SLCO4C1: variants seen among roughly 807,000 people sequenced by gnomAD.
The protein encoded by SLCO4C1 is solute carrier organic anion transporter family member 4C1.
Under a neutral mutation model 72.1 loss-of-function variants are expected in SLCO4C1, and 58 were observed. That is an observed-to-expected ratio of 0.80 (90% CI 0.65 to 1.00). The LOEUF is 1.00. Ranked by LOEUF, SLCO4C1 falls within the 50% of genes least tolerant of loss-of-function variation. The pLI is 0.00. For missense variants in SLCO4C1, 898 were observed against 857.9 expected, an observed-to-expected ratio of 1.05 and a Z score of -0.58; for synonymous variants, 297 against 312.5, an observed-to-expected ratio of 0.95 and a Z score of 0.52.
At chr5:102,278,037 A>G (rs1325722456) in intron 2 of SLCO4C1, among the ~76,000 whole-genome samples, 2 of 152,128 alleles carry the variant, frequency 1.3e-5, no homozygotes, top group Non-Finnish European at 2.9e-5. Context: ...TTACATGTAA[A>G]TGGTCTGAAT....
intron 1 of SLCO4C1, among the ~76,000 whole-genome samples, chr5:102,293,001 A>G (rs1749583911): frequency 6.6e-6 from 1 of 152,116 alleles, no homozygotes; most frequent in Non-Finnish European, 1.5e-5. Flanking sequence ...GAATGAGTAT[A>G]TACATACAAG....
intron 8 of SLCO4C1, among the ~76,000 whole-genome samples, chr5:102,255,775 T>C (rs1174239610): frequency 1.2e-5 from 1 of 85,448 alleles, no homozygotes; most frequent in Non-Finnish European, 2.4e-5. Flanking sequence ...TCTTTTCAAT[T>C]CCATAGCAAT....
chr5:102,284,477 A>C (rs1446984167), intron 2 of SLCO4C1, among the ~76,000 whole-genome samples: 1 of 152,162 alleles, frequency 6.6e-6, no homozygotes, highest in Non-Finnish European at 1.5e-5. Flanking sequence ...TCATTTACCT[A>C]GAGGAAGACA....
At chr5:102,242,247 A>C (rs1748556733) in intron 10 of SLCO4C1, among the ~76,000 whole-genome samples, 2 of 152,224 alleles carry the variant, frequency 1.3e-5, no homozygotes, top group Admixed American at 1.3e-4. Context: ...TCTCCAAGTT[A>C]ACTTGAAAGG....
At chr5:102,251,530 C>T (rs1385477930) in intron 8 of SLCO4C1, among the ~76,000 whole-genome samples, 1 of 151,434 alleles carries the variant, frequency 6.6e-6, no homozygotes, top group South Asian at 2.1e-4. Flanking sequence ...TTTGAGGCTG[C>T]AGTGAGTTAT....
At chr5:102,279,058 T>G (rs1484622711) in intron 2 of SLCO4C1, among the ~76,000 whole-genome samples, 2 of 151,782 alleles carry the variant, frequency 1.3e-5, no homozygotes, top group Non-Finnish European at 2.9e-5. Context: ...GTTCATTTTC[T>G]GAAAAGATGA....
chr5:102,268,437 A>G (rs987527787), intron 3 of SLCO4C1, among the ~76,000 whole-genome samples: 19 of 152,096 alleles, frequency 1.2e-4, no homozygotes, highest in Non-Finnish European at 2.1e-4. Flanking sequence ...CTTTTGGTTT[A>G]CAATTACAAC....
chr5:102,288,461 C>T (rs1419359167), intron 2 of SLCO4C1, among the ~76,000 whole-genome samples: 1 of 152,152 alleles, frequency 6.6e-6, no homozygotes, highest in East Asian at 1.9e-4. Context: ...GCTACCACCC[C>T]AGTCTCAGCC....
At chr5:102,260,358 TATACA>T in intron 5 of SLCO4C1, 39 bp from the exon 6 acceptor site, 1 of 234,562 alleles carries the variant, frequency 4.3e-6, no homozygotes, top group Non-Finnish European at 6.6e-6. Context: ...ATATATATAT[TATACA>T]TATAATATAT....
chr5:102,245,276 C>G (rs1748616109), intron 10 of SLCO4C1, among the ~76,000 whole-genome samples: 1 of 152,014 alleles, frequency 6.6e-6, no homozygotes, highest in Admixed American at 6.6e-5. Context: ...AAAACAAGAT[C>G]CATTGACCTG....
At chr5:102,267,654 A>AC (rs1749067925) in intron 3 of SLCO4C1, among the ~76,000 whole-genome samples, 4 of 109,706 alleles carry the variant, frequency 3.6e-5, no homozygotes, top group African/African-American at 1.1e-4. Flanking sequence ...TTTCCTTCTA[A>AC]TTTTGGGTTT....
intron 3 of SLCO4C1, among the ~76,000 whole-genome samples, chr5:102,268,541 C>T (rs373489134): frequency 1.8e-4 from 28 of 152,124 alleles, no homozygotes; most frequent in African/African-American, 6.8e-4. Flanking sequence ...GATATACTTT[C>T]TTAATCCATT....
At position 102,260,328 on chromosome 5, in the gene SLCO4C1, AAAATATATAT is replaced by A; in HGVS notation, c.1022-19_1022-10del. Reference sequence around the variant, plus strand: ...TTGAATTTCTGCTGTACCTAAAAAAAAAATATATATATATATATAATATATATATTATACA... The same window carrying A: ...TTGAATTTCTGCTGTACCTAAAAAAAATATATATAATATATATATTATACA... On this transcript the variant is annotated splice_polypyrimidine_tract_variant and intron_variant, in intron 5 of 12. Transcript: ENST00000310954. The A allele has an allele frequency of 3.5e-6, 2 of 578,136 alleles. No individual in the cohort carries two copies. Among genetic ancestry groups the A allele is most frequent in the Non-Finnish European group, 4.9e-6 (2 of 404,416 alleles). The allele number at this position is 578,136 out of a possible 1,614,324, so 35.8% of individuals were successfully genotyped here.
intron 3 of SLCO4C1, 99 bp from the exon 4 acceptor site, chr5:102,263,879 CAATT>C (rs1173102894): frequency 4.9e-6 from 4 of 824,394 alleles, no homozygotes; most frequent in Non-Finnish European, 7.7e-6. Flanking sequence ...AAAATCTAAA[CAATT>C]AAACATATCA....
chr5:102,245,496 A>G (rs962542191), intron 10 of SLCO4C1, among the ~76,000 whole-genome samples: 1 of 152,140 alleles, frequency 6.6e-6, no homozygotes, highest in Non-Finnish European at 1.5e-5. Flanking sequence ...GGATATAACA[A>G]TTTTAAATAT....
In SLCO4C1 at chr5:102,257,993, A is replaced by G; in HGVS notation, c.1223T>C (p.Phe408Ser). ...TTGFATFLPK[F>S]IENQFGLTSS... The stretch of plus-strand genomic sequence containing the variant: ...TGTCAATCCGAATTGATTTTCTATA[A>G]ATTTAGGTAAAAATGTAGCAAATCC... The change falls in exon 7 of 13, where the codon TTT (phenylalanine) becomes TCT (serine). Residue 408 changes from phenylalanine (F) to serine (S), a missense_variant. Coordinates refer to ENST00000310954, the MANE Select transcript of SLCO4C1 (RefSeq NM_180991.5). The G allele has an allele frequency of 6.2e-7, 1 of 1,609,588 alleles. No individual in the cohort carries two copies. The highest frequency in any genetic ancestry group is 8.5e-7 in the Non-Finnish European group (1 of 1,178,608).
chr5:102,261,973 T>G lies in SLCO4C1; in HGVS notation c.960A>C (p.Leu320=). 2 of 1,613,072 alleles carry G rather than the reference T, an allele frequency of 1.2e-6. No individual in the cohort carries two copies. Among genetic ancestry groups the G allele is most frequent in the Non-Finnish European group, 1.7e-6 (2 of 1,179,352 alleles). ...WLGAWWIGFL[L]SWIFAWSLII... is the part of the protein sequence containing the mutation. ...TTAAAGACCAAGCAAAGATCCATGA[T>G]AGAAGAAACCCAATCCACCAAGCTC... is the stretch of plus-strand genomic sequence containing the variant. The change falls in exon 5 of 13, where the codon CTA becomes CTC. Residue 320 remains leucine (L), a synonymous_variant. Coordinates refer to ENST00000310954, the MANE Select transcript of SLCO4C1 (RefSeq NM_180991.5).
Position 102,291,527 on chromosome 5 carries a change from G to T in SLCO4C1, c.435C>A (p.Gly145=). The change falls in exon 2 of 13, where the codon GGC becomes GGA. Residue 145 remains glycine, a synonymous_variant. Coordinates refer to ENST00000310954, the MANE Select transcript of SLCO4C1 (RefSeq NM_180991.5). ...AAATATCGTAGCTTGATGAAATCAG[G>T]CCAGTCAGGGAACTCTTCATTTCAT... ...KRYEMKSSLT[G]LISSSYDISF... is the part of the protein sequence containing the mutation. 1.2e-6 allele frequency: 2 copies of T among 1,614,028 alleles called. No individual in the cohort carries two copies. Among genetic ancestry groups the T allele is most frequent in the Non-Finnish European group, 1.7e-6 (2 of 1,179,950 alleles).
chr5:102,293,221 C>T (rs745404334), intron 1 of SLCO4C1, among the ~76,000 whole-genome samples: 3 of 152,082 alleles, frequency 2.0e-5, no homozygotes, highest in Non-Finnish European at 4.4e-5. Flanking sequence ...CATTTTTATA[C>T]GTTATCTAAT....
Sources: allele counts gnomAD v4.1 joint callset (sites outside exome capture counted in the v4.1 genomes callset), GRCh38; gene constraint gnomAD v4.1.1; transcripts MANE v1.5; gene names NCBI Gene and HGNC (gene_info 2026-07-23, HGNC 2026-07-21).